The following BRAP variants were observed in gnomAD, a reference collection of about 807,000 sequenced individuals.
BRAP encodes the protein BRCA1 associated protein, also known as BRCA1-associated protein.
In BRAP, 42 loss-of-function variants were observed where a neutral mutation model predicts 73.4. The observed-to-expected ratio is 0.57, with a 90% CI of 0.45 to 0.74. BRAP has a LOEUF of 0.74. Among genes scored for constraint, BRAP ranks in the 30% least tolerant of loss-of-function variants. The pLI, the probability that BRAP is intolerant of heterozygous loss-of-function variation, is 0.00. For synonymous variants in BRAP, 255 were observed against 267.4 expected, an observed-to-expected ratio of 0.95 and a Z score of 0.45; for missense variants, 593 against 751.4, an observed-to-expected ratio of 0.79 and a Z score of 2.46.
intron 2 of BRAP, 68 bp downstream of exon 2, chr12:111,683,078 C>T (rs1887664901): frequency 2.0e-6 from 3 of 1,518,274 alleles, no homozygotes; most frequent in African/African-American, 2.8e-5. Flanking sequence ...GCTCATCAAA[C>T]ACCGTGTATA....
intron 11 of BRAP, among the ~76,000 whole-genome samples, chr12:111,645,196 G>A (rs1359777850): frequency 6.6e-6 from 1 of 152,096 alleles, no homozygotes; most frequent in Non-Finnish European, 1.5e-5. Flanking sequence ...AGCCTCCTAA[G>A]TAGCTGGGAT....
intron 5 of BRAP, among the ~76,000 whole-genome samples, chr12:111,672,142 C>G (rs1223963550): frequency 6.6e-6 from 1 of 152,066 alleles, no homozygotes; most frequent in Non-Finnish European, 1.5e-5. Flanking sequence ...GAGACAGAGG[C>G]TGCAGTGAGC....
chr12:111,667,855 C>CT (rs1887016014), intron 5 of BRAP, among the ~76,000 whole-genome samples: 2 of 151,884 alleles, frequency 1.3e-5, no homozygotes. Context: ...CTAAAATGTG[C>CT]TTTTTGAGAG....
rs1346693714 is a variant in BRAP at position 111,670,203 on chromosome 12, C to T, written c.747+2458G>A. 4 of 609,770 alleles carry T rather than the reference C, an allele frequency of 6.6e-6. No individual in the cohort carries two copies. The Admixed American group carries it at 7.5e-5, about 11-fold the overall frequency. The allele number at this position is 609,770 out of a possible 1,614,324, so 37.8% of individuals were successfully genotyped here. On this transcript the variant is annotated intron_variant, in intron 5 of 11. Transcript: ENST00000419234. ...ATCACTGTAGGCTTTGTTGGGAGGT[C>T]TGCAGCTTCTTCTTCATCTGACCGT...
At chr12:111,679,592 G>A (rs1208984076) in intron 3 of BRAP, among the ~76,000 whole-genome samples, 7 of 151,992 alleles carry the variant, frequency 4.6e-5, no homozygotes, top group Admixed American at 4.6e-4. Context: ...TCTGTCACTG[G>A]TGGCCAGGCA....
At chr12:111,684,440 C>T (rs1887720865) in intron 1 of BRAP, among the ~76,000 whole-genome samples, 1 of 152,208 alleles carries the variant, frequency 6.6e-6, no homozygotes, top group Admixed American at 6.5e-5. Context: ...ATGACACCAT[C>T]CCTACCTGCC....
chr12:111,681,752 A>G lies in BRAP; in HGVS notation c.328T>C (p.Cys110Arg). Residue 110 changes from cysteine to arginine, a missense_variant, in exon 3 of 12, where the codon TGC becomes CGC. Cys to Arg is a radical substitution (Grantham distance 180, BLOSUM62 -3). Coordinates refer to ENST00000419234, the MANE Select transcript of BRAP (RefSeq NM_006768.5). ...AQRSKDHSKECINAAPDSPSK... is the reference protein window; with the variant it reads ...AQRSKDHSKERINAAPDSPSK... ...GGAGAATCTGGGGCAGCGTTTATGC[A>G]TTCCTTACTGTGATCTTTACTTCTT... The G allele has an allele frequency of 6.2e-7, 1 of 1,614,152 alleles. No homozygotes were observed. Among genetic ancestry groups the G allele is most frequent in the Non-Finnish European group, 8.5e-7 (1 of 1,180,014 alleles).
intron 6 of BRAP, among the ~76,000 whole-genome samples, chr12:111,662,093 A>G (rs1271780047): frequency 6.6e-6 from 1 of 152,144 alleles, no homozygotes; most frequent in Non-Finnish European, 1.5e-5. Flanking sequence ...CAAAAAGCCA[A>G]TAAAAACAAT....
chr12:111,681,300 G>A (rs1343521082), intron 3 of BRAP, among the ~76,000 whole-genome samples: 1 of 151,814 alleles, frequency 6.6e-6, no homozygotes, highest in Non-Finnish European at 1.5e-5. Context: ...AACTCAGGAG[G>A]CAGAAGATGC....
chr12:111,680,200 C>A (rs111464439), intron 3 of BRAP, among the ~76,000 whole-genome samples: 5 of 151,812 alleles, frequency 3.3e-5, no homozygotes, highest in African/African-American at 1.2e-4. Flanking sequence ...CGTGATCCCC[C>A]GCCTCGGCCT....
chr12:111,657,647 A>C (rs1945095677), intron 9 of BRAP, among the ~76,000 whole-genome samples: 1 of 152,088 alleles, frequency 6.6e-6, no homozygotes, highest in Non-Finnish European at 1.5e-5. Context: ...TGGGAGGCTG[A>C]GGCAGGCGGA....
chr12:111,650,947 C>G (rs75122732), intron 10 of BRAP, among the ~76,000 whole-genome samples: 1 of 152,058 alleles, frequency 6.6e-6, no homozygotes, highest in Admixed American at 6.6e-5. Flanking sequence ...GCAGCCATCC[C>G]AGCCCAGAGT....
intron 5 of BRAP, among the ~76,000 whole-genome samples, chr12:111,667,718 A>AAAAAAAAAAAAAAAAAAAAC: frequency 6.8e-6 from 1 of 148,048 alleles, no homozygotes; most frequent in South Asian, 2.1e-4. Context: ...AAAAAAAAAA[A>AAAAAAAAAAAAAAAAAAAAC]AAAGCTCATA....
At chr12:111,647,910 G>GA (rs547916783) in intron 11 of BRAP, among the ~76,000 whole-genome samples, 5 of 150,836 alleles carry the variant, frequency 3.3e-5, no homozygotes, top group East Asian at 1.9e-4. Flanking sequence ...AAGAAAAAAA[G>GA]AAAAAAAAAT....
In BRAP at chr12:111,683,150, G is replaced by A; in HGVS notation, c.240C>T (p.Asn80=). 1 of 1,613,248 alleles carries A rather than the reference G, an allele frequency of 6.2e-7. No individual in the cohort carries two copies. The highest frequency in any genetic ancestry group is 8.5e-7 in the Non-Finnish European group (1 of 1,179,738). The change falls in exon 2 of 12, where the codon AAC becomes AAT. Residue 80 remains asparagine (N), a synonymous_variant. Transcript: ENST00000419234. ...CCAGGGTTTTAGAAAGCATACCTGG[G>A]TTGGACTTCATGGTCTCAATGATCA... ...TDVIIETMKS[N]PDELKTTVEE...
Position 111,685,884 on chromosome 12 carries a change from G to A in BRAP, c.-92C>T. On this transcript the variant is annotated 5_prime_UTR_variant, in exon 1 of 12. Transcript: ENST00000419234. The stretch of plus-strand genomic sequence containing the variant: ...CGAGCGGCCCGGGGCCGGCAGCGCC[G>A]CCACCACCTCAATGCAGTTGCCGCC... The A allele has an allele frequency of 2.3e-6, 2 of 856,432 alleles. No homozygotes were observed. The highest frequency in any genetic ancestry group is 3.2e-6 in the Non-Finnish European group (2 of 619,798). 53.1% of individuals were successfully genotyped at this position (856,432 alleles called of 1,614,324 possible). A position where few individuals can be genotyped will look rare whatever the true frequency, so the allele number is the denominator to read the frequency against.
intron 1 of BRAP, 126 bp downstream of exon 1, chr12:111,685,585 T>G: frequency 7.3e-7 from 1 of 1,377,778 alleles, no homozygotes. Flanking sequence ...GGATCCCGAT[T>G]ACCTCTCCGT....
chr12:111,669,486 G>T (rs560400429), intron 5 of BRAP, among the ~76,000 whole-genome samples: 1 of 151,814 alleles, frequency 6.6e-6, no homozygotes, highest in Non-Finnish European at 1.5e-5. Flanking sequence ...TTCGCCTCCC[G>T]AAGTGCTGGG....
chr12:111,660,141 A>G (rs924972036), intron 7 of BRAP, among the ~76,000 whole-genome samples: 1 of 152,054 alleles, frequency 6.6e-6, no homozygotes, highest in Admixed American at 6.6e-5. Context: ...ATGTATGTTT[A>G]AAACCCAACA....
Sources: allele counts gnomAD v4.1 joint callset (sites outside exome capture counted in the v4.1 genomes callset), GRCh38; gene constraint gnomAD v4.1.1; transcripts MANE v1.5; gene names NCBI Gene and HGNC (gene_info 2026-07-23, HGNC 2026-07-21).